Variants in MLLT1 observed in about 807,000 individuals in gnomAD.
MLLT1 encodes MLLT1 super elongation complex subunit, also known as protein ENL.
MLLT1 carries 11 observed loss-of-function variants against 55.1 expected under a neutral mutation model. The observed-to-expected ratio is 0.20, with a 90% CI of 0.13 to 0.33. The LOEUF is 0.33. Among genes scored for constraint, MLLT1 ranks in the 10% least tolerant of loss-of-function variants. MLLT1 has a pLI of 1.00. For missense variants in MLLT1, 536 were observed against 760.6 expected (o/e 0.70, Z 3.47); for synonymous variants, 323 against 320.1 (o/e 1.01, Z -0.10).
intron 3 of MLLT1, among the ~76,000 whole-genome samples, chr19:6,254,541 C>T (rs566160749): frequency 3.1e-4 from 47 of 152,322 alleles, no homozygotes; most frequent in Middle Eastern, 3.4e-3. Context: ...TGGGAGCTTG[C>T]GCTAACTCCA....
chr19:6,248,960 G>T (rs575158398), intron 3 of MLLT1, among the ~76,000 whole-genome samples: 2 of 152,096 alleles, frequency 1.3e-5, no homozygotes, highest in African/African-American at 4.8e-5. Context: ...TCCCAGTCAG[G>T]AACCATACTC....
intron 4 of MLLT1, among the ~76,000 whole-genome samples, chr19:6,228,615 C>T (rs907160173): frequency 5.3e-5 from 8 of 152,190 alleles, no homozygotes; most frequent in African/African-American, 1.9e-4. Context: ...AAGCAGCGCT[C>T]GCTGACACAG....
rs2090953459 is a variant in MLLT1, at chr19:6,226,041, A to G, written c.546+936T>C. Among the ~76,000 whole-genome samples the G allele has an allele frequency of 6.6e-6, 1 of 152,242 alleles. No individual in the cohort carries two copies. Among genetic ancestry groups the G allele is most frequent in the Non-Finnish European group, 1.5e-5 (1 of 68,046 alleles). ...TAAGACCTGCTGGCCTTGGGGAAAG[A>G]GCCAGAAAGACCTGCCTGGGTGCTG... is the stretch of plus-strand genomic sequence containing the variant. On this transcript the variant is annotated intron_variant, in intron 5 of 11. Transcript: ENST00000252674. This position sits in a 1 kb window ranked among gnomAD's most constrained non-coding sequence, Gnocchi z 6.3.
At chr19:6,266,933 C>T (rs1450946254) in intron 2 of MLLT1, among the ~76,000 whole-genome samples, 3 of 152,042 alleles carry the variant, frequency 2.0e-5, no homozygotes, top group Non-Finnish European at 4.4e-5. Context: ...AGAAGGAAGG[C>T]ACAGAGAACC....
At position 6,212,804 on chromosome 19, in the gene MLLT1, GC is replaced by G; in HGVS notation, c.*237del. On this transcript the variant is annotated 3_prime_UTR_variant, in exon 12 of 12. Coordinates refer to ENST00000252674, the MANE Select transcript of MLLT1 (RefSeq NM_005934.4). ...CAACACCAGCCGCTCTCTGAGGGGA[GC>G]CCAGAGAGCCCGGGGGGCGGCTCCC... is the stretch of plus-strand genomic sequence containing the variant. The G allele has an allele frequency of 2.2e-6, 2 of 904,000 alleles. No homozygotes were observed. Among genetic ancestry groups the G allele is most frequent in the Non-Finnish European group, 1.5e-6 (1 of 656,920 alleles). 56.0% of individuals were successfully genotyped at this position (904,000 alleles called of 1,614,324 possible).
rs934593135 is a variant in MLLT1, at chr19:6,213,129, G to C, written c.1593C>G (p.Thr531=). Residue 531 remains threonine (T), a synonymous_variant, in exon 12 of 12, where the codon ACC becomes ACG. Coordinates refer to ENST00000252674, the MANE Select transcript of MLLT1 (RefSeq NM_005934.4). ...AGAGGTCGAAGTCGAAGGTGGTGTT[G>C]GTGACATTGAAGTGGCCAGTCTCCT... The part of the protein sequence containing the change: ...LIEETGHFNV[T]NTTFDFDLFS... 4.3e-6 allele frequency: 7 copies of C among 1,613,924 alleles called. No homozygotes were observed. The African/African-American group carries it at 8.0e-5, about 18-fold the overall frequency.
At chr19:6,232,227 CTCTG>C (rs1568281822) in intron 3 of MLLT1, among the ~76,000 whole-genome samples, 1 of 152,208 alleles carries the variant, frequency 6.6e-6, no homozygotes, top group Non-Finnish European at 1.5e-5. Flanking sequence ...CAGAGAAAGA[CTCTG>C]TCTGAAAAAC....
At chr19:6,271,992 G>A (rs1295872703) in intron 1 of MLLT1, among the ~76,000 whole-genome samples, 6 of 152,238 alleles carry the variant, frequency 3.9e-5, no homozygotes, top group African/African-American at 1.4e-4. Context: ...GTGCCCCGGC[G>A]CCTGGCCGGC....
In MLLT1 at chr19:6,270,797, C is replaced by T. The variant is rs778259208; in HGVS notation, c.13-38G>A. On this transcript the variant is annotated intron_variant, in intron 1 of 11. Transcript: ENST00000252674. The surrounding 1 kb of genome is among the most constrained non-coding windows in gnomAD (Gnocchi z 7.1). ...GAGGTGGGGAGATGAAGTCAGCACA[C>T]GCCTCCAAGCAGGGGACTGTCCCCT... 38 of 1,558,694 alleles carry T rather than the reference C, an allele frequency of 2.4e-5. No homozygotes were observed. Among genetic ancestry groups the T allele is most frequent in the East Asian group, 1.4e-4 (6 of 43,870 alleles).
intron 7 of MLLT1, 95 bp downstream of exon 7, chr19:6,217,859 T>C: frequency 4.7e-6 from 7 of 1,490,724 alleles, no homozygotes; most frequent in Non-Finnish European, 6.3e-6. Context: ...GGGCCCAGCC[T>C]GTGCAGGCAG....
chr19:6,227,198 G>A lies in MLLT1; in HGVS notation c.421-96C>T. On this transcript the variant is annotated intron_variant, in intron 4 of 11. Transcript: ENST00000252674. The surrounding 1 kb of genome is among the most constrained non-coding windows in gnomAD (Gnocchi z 5.1). ...GTGGTGGGGCTTCCCTCTGCAGGAG[G>A]GGAGAAGGGAGAGCCTGAGCGCTTT... 3.8e-6 allele frequency: 5 copies of A among 1,302,016 alleles called. No individual in the cohort carries two copies. The highest frequency in any genetic ancestry group is 1.5e-5 in the African/African-American group (1 of 64,710). 80.7% of individuals were successfully genotyped at this position (1,302,016 alleles called of 1,614,324 possible). A position where few individuals can be genotyped will look rare whatever the true frequency, so the allele number is the denominator to read the frequency against.
chr19:6,215,324 C>A (rs1021260720), intron 8 of MLLT1, among the ~76,000 whole-genome samples: 5 of 152,242 alleles, frequency 3.3e-5, no homozygotes, highest in African/African-American at 1.2e-4. Context: ...GCTCACGGCT[C>A]TTGGCGCAAG....
rs564326877 is a variant in MLLT1 at position 6,266,021 on chromosome 19, C to T, written c.194-3711G>A. On this transcript the variant is annotated intron_variant, in intron 2 of 11. Coordinates refer to ENST00000252674, the MANE Select transcript of MLLT1 (RefSeq NM_005934.4). ...TTAAGCCGGGCATGGTGGCTCACGCCGGTAATCCCAGCATTTTGGGAGGCC... is the reference window on the plus strand; with the variant it reads ...TTAAGCCGGGCATGGTGGCTCACGCTGGTAATCCCAGCATTTTGGGAGGCC... 4.6e-5 allele frequency among the ~76,000 whole-genome samples: 7 copies of T among 152,184 alleles called. No individual in the cohort carries two copies. The East Asian group carries it at 5.8e-4, about 13-fold the overall frequency.
chr19:6,263,407 C>G (rs1239317032), intron 2 of MLLT1: 1 of 152,590 alleles, frequency 6.6e-6, no homozygotes, highest in African/African-American at 2.4e-5. Flanking sequence ...CAAAGGCCCA[C>G]AGCAGGGCCA....
At chr19:6,220,831 C>T (rs1179033530) in intron 6 of MLLT1, among the ~76,000 whole-genome samples, 2 of 152,270 alleles carry the variant, frequency 1.3e-5, no homozygotes, top group South Asian at 2.1e-4. Flanking sequence ...CAGCAGGCAC[C>T]GCCAGGCCCT....
rs910478129 is a variant in MLLT1 at position 6,213,326 on chromosome 19, G to C, written c.1551+11C>G. ...GACCTCTGCCGGGCAGGACCCTCAG[G>C]GGGGCGATACCTGCTGCAGCACGTT... On this transcript the variant is annotated intron_variant, in intron 11 of 11. Coordinates refer to ENST00000252674, the MANE Select transcript of MLLT1 (RefSeq NM_005934.4). The C allele has an allele frequency of 3.7e-6, 6 of 1,612,180 alleles. No homozygotes were observed. The African/African-American group carries it at 4.0e-5, about 11-fold the overall frequency.
chr19:6,246,234 T>G (rs1256316529), intron 3 of MLLT1, among the ~76,000 whole-genome samples: 1 of 152,046 alleles, frequency 6.6e-6, no homozygotes, highest in African/African-American at 2.4e-5. Context: ...CACTGGGCAG[T>G]TTCTTAAAAA....
chr19:6,229,094 G>A lies in MLLT1; in HGVS notation c.420+1476C>T, dbSNP rs1366632847. ...TGCAGCCCAGAGCGGCCCAGGGAAC[G>A]CCACTTCCCACAGCCACGCCACCAC... On this transcript the variant is annotated intron_variant, in intron 4 of 11. Coordinates refer to ENST00000252674, the MANE Select transcript of MLLT1 (RefSeq NM_005934.4). This position sits in a 1 kb window ranked among gnomAD's most constrained non-coding sequence, Gnocchi z 5.2. Among the ~76,000 whole-genome samples the A allele has an allele frequency of 1.3e-5, 2 of 152,188 alleles. No homozygotes were observed. The highest frequency in any genetic ancestry group is 2.9e-5 in the Non-Finnish European group (2 of 68,018).
chr19:6,268,048 T>C (rs896997258), intron 2 of MLLT1, among the ~76,000 whole-genome samples: 11 of 152,132 alleles, frequency 7.2e-5, no homozygotes, highest in East Asian at 1.9e-4. Flanking sequence ...GAAGAAGTCA[T>C]ATGTACGAGA....
Sources: gnomAD v4.1 joint callset for allele counts (sites outside exome capture counted in the v4.1 genomes callset) on GRCh38, gnomAD v4.1.1 for gene constraint, Gnocchi (gnomAD v3.1) non-coding constraint, MANE v1.5 for transcripts, NCBI Gene and HGNC (gene_info 2026-07-23, HGNC 2026-07-21) for gene names.